PTPRG: variants seen among roughly 807,000 people sequenced by gnomAD.
The protein encoded by PTPRG is receptor-type tyrosine-protein phosphatase gamma.
PTPRG carries 102 observed loss-of-function variants against 165.3 expected under a neutral mutation model. The observed-to-expected ratio is 0.62, with a 90% CI of 0.53 to 0.73. The LOEUF (loss-of-function observed/expected upper bound fraction) is 0.73. Among genes scored for constraint, PTPRG ranks in the 30% least tolerant of loss-of-function variants. PTPRG has a pLI of 0.00. For missense variants in PTPRG, 1,866 were observed against 1,861.4 expected (o/e 1.00, Z -0.05); for synonymous variants, 675 against 669.5 (o/e 1.01, Z -0.13).
At chr3:62,125,381 C>T (rs1703250291) in intron 5 of PTPRG, among the ~76,000 whole-genome samples, 1 of 152,088 alleles carries the variant, frequency 6.6e-6, no homozygotes. Flanking sequence ...GGATTTCGAG[C>T]CTTTTGTAAA....
intron 2 of PTPRG, among the ~76,000 whole-genome samples, chr3:61,785,885 C>G (rs947701108): frequency 2.0e-5 from 3 of 152,136 alleles, no homozygotes; most frequent in Non-Finnish European, 2.9e-5. Context: ...ACACACTTAG[C>G]TTAGGGAAGT....
At chr3:61,974,863 C>T (rs1017122716) in intron 2 of PTPRG, among the ~76,000 whole-genome samples, 5 of 152,208 alleles carry the variant, frequency 3.3e-5, no homozygotes, top group African/African-American at 1.2e-4. Flanking sequence ...AGCAGCTGAA[C>T]TCAGCTGTAA....
At chr3:62,168,983 C>G (rs1705106827) in intron 8 of PTPRG, among the ~76,000 whole-genome samples, 1 of 152,068 alleles carries the variant, frequency 6.6e-6, no homozygotes, top group Admixed American at 6.6e-5. Flanking sequence ...GGGCAGTCTC[C>G]TCTCTGATTG....
intron 1 of PTPRG, among the ~76,000 whole-genome samples, chr3:61,642,133 AC>A (rs1434787770): frequency 4.0e-5 from 6 of 151,870 alleles, no homozygotes; most frequent in Non-Finnish European, 8.8e-5. Flanking sequence ...CCTGATGCTG[AC>A]CCCGAGTTAT....
chr3:62,041,422 T>G (rs1700124263), intron 4 of PTPRG, among the ~76,000 whole-genome samples: 1 of 152,320 alleles, frequency 6.6e-6, no homozygotes, highest in East Asian at 1.9e-4. Context: ...CCAAGAATTC[T>G]AGAAACACAC....
chr3:62,242,412 A>T (rs1293108393), intron 14 of PTPRG, among the ~76,000 whole-genome samples: 2 of 152,222 alleles, frequency 1.3e-5, no homozygotes, highest in Non-Finnish European at 2.9e-5. Flanking sequence ...GACGTTCAAA[A>T]TCTCCTAATG....
chr3:62,124,538 T>C (rs1703212766), intron 5 of PTPRG: 3 of 1,484,008 alleles, frequency 2.0e-6, no homozygotes, highest in African/African-American at 1.4e-5. Context: ...GGTTTTGCTC[T>C]GGGAGATGCC....
intron 2 of PTPRG, among the ~76,000 whole-genome samples, chr3:61,833,805 T>C (rs192100394): frequency 1.3e-5 from 2 of 152,282 alleles, no homozygotes; most frequent in African/African-American, 2.4e-5. Context: ...GCTAAGGCAG[T>C]GTGCCCGCCT....
intron 4 of PTPRG, among the ~76,000 whole-genome samples, chr3:62,040,039 C>T (rs151001257): frequency 0.011 from 1,739 of 152,274 alleles, 37 homozygotes; most frequent in African/African-American, 0.039. Flanking sequence ...AGTTACTTTT[C>T]CAGCCGACAA....
chr3:61,663,962 G>A (rs932895758), intron 1 of PTPRG, among the ~76,000 whole-genome samples: 2 of 152,182 alleles, frequency 1.3e-5, no homozygotes, highest in African/African-American at 4.8e-5. Context: ...TGTGTCCTGG[G>A]GGTTGGGGAC....
rs1305274238 is a variant in PTPRG at position 62,240,181 on chromosome 3, T to G, written c.2376-3626T>G. ...TGCATATAGAATGATCTCATTTCGT[T>G]TTTTAAAAATAAAACCCCCATGTAG... On this transcript the variant is annotated intron_variant, in intron 14 of 29. Transcript: ENST00000474889. This position sits in a 1 kb window ranked among gnomAD's most constrained non-coding sequence, Gnocchi z 5.1. 6.6e-6 allele frequency among the ~76,000 whole-genome samples: 1 copy of G among 152,138 alleles called. No individual in the cohort carries two copies. The highest frequency in any genetic ancestry group is 1.5e-5 in the Non-Finnish European group (1 of 68,026).
intron 4 of PTPRG, among the ~76,000 whole-genome samples, chr3:62,075,390 C>T (rs1232101807): frequency 4.6e-5 from 7 of 152,134 alleles, no homozygotes; most frequent in South Asian, 2.1e-4. Context: ...AAGCAATTCA[C>T]CTAATATTAA....
chr3:61,848,957 A>C (rs1054062076), intron 2 of PTPRG, among the ~76,000 whole-genome samples: 1 of 152,216 alleles, frequency 6.6e-6, no homozygotes, highest in Non-Finnish European at 1.5e-5. Context: ...GAACAGTTTG[A>C]TATCACAGCA....
chr3:62,045,669 G>T (rs1222774567), intron 4 of PTPRG, among the ~76,000 whole-genome samples: 1 of 151,774 alleles, frequency 6.6e-6, no homozygotes, highest in East Asian at 1.9e-4. Flanking sequence ...AATGGTAACA[G>T]TCACCAGTGC....
chr3:61,667,025 A>C (rs1227304584), intron 1 of PTPRG, among the ~76,000 whole-genome samples: 1 of 152,216 alleles, frequency 6.6e-6, no homozygotes, highest in Non-Finnish European at 1.5e-5. Flanking sequence ...TGAATTAATA[A>C]TTTAAAAAGT....
At chr3:61,758,316 G>T (rs779394477) in intron 2 of PTPRG, among the ~76,000 whole-genome samples, 1 of 151,992 alleles carries the variant, frequency 6.6e-6, no homozygotes, top group Non-Finnish European at 1.5e-5. Flanking sequence ...TATAAAACGG[G>T]GACTTTCTGT....
At chr3:62,112,319 G>A (rs1187405266) in intron 5 of PTPRG, among the ~76,000 whole-genome samples, 1 of 151,998 alleles carries the variant, frequency 6.6e-6, no homozygotes, top group Non-Finnish European at 1.5e-5. Flanking sequence ...GGCCAGGCTG[G>A]TCTCAAACTC....
intron 1 of PTPRG, among the ~76,000 whole-genome samples, chr3:61,724,462 C>T (rs1033548299): frequency 6.6e-6 from 1 of 152,106 alleles, no homozygotes; most frequent in Non-Finnish European, 1.5e-5. Context: ...AGTGCGTACA[C>T]GTTTTTGGAT....
intron 28 of PTPRG, among the ~76,000 whole-genome samples, chr3:62,283,478 G>T (rs1702526281): frequency 1.3e-5 from 2 of 151,998 alleles, no homozygotes; most frequent in African/African-American, 4.8e-5. Flanking sequence ...AGAAGGAAAG[G>T]GTCATAGATA....
Sources: allele counts gnomAD v4.1 joint callset (sites outside exome capture counted in the v4.1 genomes callset), GRCh38; gene constraint gnomAD v4.1.1; non-coding constraint Gnocchi (gnomAD v3.1); transcripts MANE v1.5; gene names NCBI Gene and HGNC (gene_info 2026-07-23, HGNC 2026-07-21).